BACE2: variants seen among roughly 807,000 people sequenced by gnomAD.
BACE2 encodes 56 kDa aspartic-like protease.
In BACE2, 17 loss-of-function variants were observed where a neutral mutation model predicts 46.2. That is an observed-to-expected ratio of 0.37 (90% CI 0.25 to 0.55). BACE2 has a LOEUF of 0.55. Among genes scored for constraint, BACE2 ranks in the 20% least tolerant of loss-of-function variants. The probability of loss-of-function intolerance (pLI) is 0.82; values close to 1 mark genes in which losing one functional copy is unlikely to be tolerated. For missense variants in BACE2, 595 were observed against 698.1 expected, an observed-to-expected ratio of 0.85 and a Z score of 1.66; for synonymous variants, 277 against 295.9, an observed-to-expected ratio of 0.94 and a Z score of 0.66.
chr21:41,242,355 C>G (rs1313864182), intron 4 of BACE2, among the ~76,000 whole-genome samples: 1 of 151,816 alleles, frequency 6.6e-6, no homozygotes, highest in Non-Finnish European at 1.5e-5. Flanking sequence ...CTCTCTCTCT[C>G]TCAACACACA....
chr21:41,260,607 C>T (rs1213319651), intron 8 of BACE2, among the ~76,000 whole-genome samples: 5 of 152,230 alleles, frequency 3.3e-5, no homozygotes, highest in African/African-American at 7.2e-5. Flanking sequence ...ACCATTTGGA[C>T]CTCACTCCAG....
In BACE2 at chr21:41,250,736, A is replaced by T; in HGVS notation, c.985-16A>T. The T allele has an allele frequency of 6.2e-7, 1 of 1,613,576 alleles. No individual in the cohort carries two copies. Among genetic ancestry groups the T allele is most frequent in the South Asian group, 1.1e-5 (1 of 91,038 alleles). On this transcript the variant is annotated splice_polypyrimidine_tract_variant and intron_variant, in intron 6 of 8. Coordinates refer to ENST00000330333, the MANE Select transcript of BACE2 (RefSeq NM_012105.5). ...CAGACTAGTCATGGTTTCTGATGTG[A>T]TCTTGTTTTGTCTAGATTCCAGAAT... is the stretch of plus-strand genomic sequence containing the variant.
At position 41,281,943 on chromosome 21, in the gene BACE2, A is replaced by C. The variant is rs2123666548; in HGVS notation, c.*6319A>C. ...ATTTGTCATGTGCTAATAAAAGCTG[A>C]ATTTTTGTAATCTAAAATGATGTAT... is the stretch of plus-strand genomic sequence containing the variant. On this transcript the variant is annotated 3_prime_UTR_variant, in exon 9 of 9. Transcript: ENST00000330333. 1 of 152,332 alleles carries C rather than the reference A, an allele frequency of 6.6e-6. No individual in the cohort carries two copies. The highest frequency in any genetic ancestry group is 1.9e-4 in the East Asian group (1 of 5,186). 9.4% of individuals were successfully genotyped at this position (152,332 alleles called of 1,614,324 possible). A position where few individuals can be genotyped will look rare whatever the true frequency, so the allele number is the denominator to read the frequency against.
intron 7 of BACE2, among the ~76,000 whole-genome samples, chr21:41,253,645 C>T (rs535211575): frequency 6.6e-6 from 1 of 152,160 alleles, no homozygotes; most frequent in East Asian, 1.9e-4. Flanking sequence ...GGGGAAACCT[C>T]AGTCCAGGTG....
At chr21:41,243,286 T>G (rs1424536026) in intron 4 of BACE2, 90 bp from the exon 5 acceptor site, 3 of 1,094,816 alleles carry the variant, frequency 2.7e-6, no homozygotes, top group Non-Finnish European at 3.8e-6. Flanking sequence ...TGCAGTGAAG[T>G]TTCTCTTTAC....
chr21:41,269,099 C>A (rs183096008), intron 8 of BACE2, among the ~76,000 whole-genome samples: 2 of 152,012 alleles, frequency 1.3e-5, no homozygotes, highest in Non-Finnish European at 2.9e-5. Flanking sequence ...GGATTACAGG[C>A]GTGTGCCACC....
intron 8 of BACE2, among the ~76,000 whole-genome samples, chr21:41,268,097 G>A (rs906475182): frequency 2.0e-5 from 3 of 152,154 alleles, no homozygotes; most frequent in African/African-American, 7.2e-5. Context: ...TAGTAACAGC[G>A]GACACTTACG....
intron 1 of BACE2, among the ~76,000 whole-genome samples, chr21:41,225,075 T>C (rs1986769062): frequency 6.6e-6 from 1 of 151,706 alleles, no homozygotes; most frequent in Non-Finnish European, 1.5e-5. Flanking sequence ...TCTACTAAAA[T>C]TACAAAAAAC....
intron 8 of BACE2, among the ~76,000 whole-genome samples, chr21:41,261,122 G>C (rs1987925364): frequency 6.6e-6 from 1 of 152,100 alleles, no homozygotes; most frequent in South Asian, 2.1e-4. Context: ...GTACTGCAGT[G>C]AACGTCTTTG....
chr21:41,275,684 G>C lies in BACE2; in HGVS notation c.*60G>C. 2 of 1,586,428 alleles carry C rather than the reference G, an allele frequency of 1.3e-6. No homozygotes were observed. The highest frequency in any genetic ancestry group is 1.7e-6 in the Non-Finnish European group (2 of 1,165,406). The stretch of plus-strand genomic sequence containing the variant: ...AGCTATTAAGAAAATCACATTTCCA[G>C]GGCAGCAGCCGGGATCGATGGTGGC... On this transcript the variant is annotated 3_prime_UTR_variant, in exon 9 of 9. Transcript: ENST00000330333.
At chr21:41,194,338 G>A (rs1263824780) in intron 1 of BACE2, among the ~76,000 whole-genome samples, 1 of 152,108 alleles carries the variant, frequency 6.6e-6, no homozygotes, top group African/African-American at 2.4e-5. Flanking sequence ...TTTGAAACAT[G>A]GCAGGGAAAA....
intron 1 of BACE2, among the ~76,000 whole-genome samples, chr21:41,223,586 T>C (rs1039083507): frequency 1.3e-5 from 2 of 152,190 alleles, no homozygotes; most frequent in Non-Finnish European, 2.9e-5. Flanking sequence ...TCCGTGCATT[T>C]TCGTCTCCCT....
intron 1 of BACE2, among the ~76,000 whole-genome samples, chr21:41,187,559 T>C (rs148897775): frequency 1.0e-3 from 155 of 152,352 alleles, no homozygotes; most frequent in Middle Eastern, 6.8e-3. Flanking sequence ...AACTGTTCTT[T>C]AAAATCCTAA....
intron 8 of BACE2, among the ~76,000 whole-genome samples, chr21:41,268,235 A>T (rs1412977808): frequency 6.6e-6 from 1 of 152,180 alleles, no homozygotes; most frequent in Non-Finnish European, 1.5e-5. Context: ...GGGGGCAAAG[A>T]AGTTAAGTAA....
chr21:41,231,529 C>T (rs1222353338), intron 2 of BACE2, among the ~76,000 whole-genome samples: 1 of 152,184 alleles, frequency 6.6e-6, no homozygotes, highest in Non-Finnish European at 1.5e-5. Flanking sequence ...CTTCTCTTTT[C>T]GTGTTCTCTG....
rs1035187431 is a variant in BACE2 at position 41,275,460 on chromosome 21, G to A, written c.1393G>A (p.Glu465Lys). ...SNCVPAQSLS[E>K]PILWIVSYAL... ...CTGTGTCCCCGCTCAGTCTTTGAGC[G>A]AGCCCATTTTGTGGATTGTGTCCTA... is the stretch of plus-strand genomic sequence containing the variant. The change falls in exon 9 of 9, where the codon GAG (glutamate) becomes AAG (lysine). Residue 465 changes from glutamate to lysine, a missense_variant. Transcript: ENST00000330333. The A allele has an allele frequency of 6.2e-7, 1 of 1,614,012 alleles. No homozygotes were observed. Among genetic ancestry groups the A allele is most frequent in the Non-Finnish European group, 8.5e-7 (1 of 1,180,044 alleles).
chr21:41,182,688 C>T (rs1176703423), intron 1 of BACE2: 1 of 167,060 alleles, frequency 6.0e-6, no homozygotes, highest in Non-Finnish European at 1.5e-5. Context: ...AGTGCCCGCC[C>T]ACCTCCACAC....
At chr21:41,224,540 G>A (rs1986753505) in intron 1 of BACE2, among the ~76,000 whole-genome samples, 1 of 152,080 alleles carries the variant, frequency 6.6e-6, no homozygotes, top group Admixed American at 6.5e-5. Context: ...TCAACCTTTT[G>A]GGCTATATCT....
At chr21:41,214,620 G>A (rs1311571646) in intron 1 of BACE2, among the ~76,000 whole-genome samples, 1 of 152,232 alleles carries the variant, frequency 6.6e-6, no homozygotes, top group Non-Finnish European at 1.5e-5. Flanking sequence ...AAATGAACAA[G>A]CCACCTTCCT....
Sources: gnomAD v4.1 joint callset for allele counts (sites outside exome capture counted in the v4.1 genomes callset) on GRCh38, gnomAD v4.1.1 for gene constraint, MANE v1.5 for transcripts, NCBI Gene and HGNC (gene_info 2026-07-23, HGNC 2026-07-21) for gene names.